Variants in ARHGAP10 observed in about 807,000 individuals in gnomAD.
The protein encoded by ARHGAP10 is rho GTPase-activating protein 10.
ARHGAP10 carries 87 observed loss-of-function variants against 108.6 expected under a neutral mutation model. The ratio of observed to expected loss-of-function variants is 0.80; its 90% CI spans 0.67 to 0.96. The LOEUF is 0.96. Among genes scored for constraint, ARHGAP10 ranks in the 40% least tolerant of loss-of-function variants. The pLI is 0.00. For synonymous variants in ARHGAP10, 347 were observed against 341.1 expected, an observed-to-expected ratio of 1.02 and a Z score of -0.19; for missense variants, 939 against 954.5, an observed-to-expected ratio of 0.98 and a Z score of 0.21.
chr4:147,907,017 G>A (rs1187802789), intron 11 of ARHGAP10, among the ~76,000 whole-genome samples: 1 of 152,004 alleles, frequency 6.6e-6, no homozygotes. Flanking sequence ...ACAGTACTTT[G>A]GATGATGAAC....
At chr4:147,771,428 A>G (rs564663042) in intron 1 of ARHGAP10, among the ~76,000 whole-genome samples, 11 of 152,346 alleles carry the variant, frequency 7.2e-5, no homozygotes, top group South Asian at 2.1e-4. Flanking sequence ...TAAATAGGGT[A>G]TCTATCACCT....
chr4:147,970,125 G>A (rs541614565), intron 18 of ARHGAP10, among the ~76,000 whole-genome samples: 1 of 152,260 alleles, frequency 6.6e-6, no homozygotes, highest in East Asian at 1.9e-4. Context: ...CTTTGTTCCT[G>A]CTCAGTTGGA....
intron 19 of ARHGAP10, among the ~76,000 whole-genome samples, chr4:148,034,304 A>G (rs1211505853): frequency 9.2e-5 from 14 of 152,096 alleles, no homozygotes. Flanking sequence ...GGTAACTAGC[A>G]TCTCCCTCTG....
chr4:148,005,039 A>C (rs2149648984), intron 18 of ARHGAP10, among the ~76,000 whole-genome samples: 1 of 152,338 alleles, frequency 6.6e-6, no homozygotes, highest in Non-Finnish European at 1.5e-5. Flanking sequence ...AAATTTAAAA[A>C]AAGAATCTCA....
intron 19 of ARHGAP10, among the ~76,000 whole-genome samples, chr4:148,032,548 C>A (rs1482472231): frequency 6.6e-6 from 1 of 151,874 alleles, no homozygotes; most frequent in African/African-American, 2.4e-5. Context: ...GTTTCCTGTC[C>A]TTCTAGAATT....
chr4:148,042,990 G>A (rs1425628353), intron 19 of ARHGAP10, among the ~76,000 whole-genome samples: 2 of 152,144 alleles, frequency 1.3e-5, no homozygotes, highest in African/African-American at 4.8e-5. Flanking sequence ...GATGACTCCT[G>A]GATTGCCTGG....
chr4:147,855,549 C>CT (rs920527468), intron 4 of ARHGAP10, among the ~76,000 whole-genome samples: 6 of 151,780 alleles, frequency 4.0e-5, no homozygotes, highest in East Asian at 1.9e-4. Flanking sequence ...ACAACTTCTG[C>CT]TTTTTTTTGG....
chr4:147,761,661 T>C (rs543330965), intron 1 of ARHGAP10, among the ~76,000 whole-genome samples: 1 of 152,366 alleles, frequency 6.6e-6, no homozygotes, highest in South Asian at 2.1e-4. Context: ...CCATAAAATA[T>C]AATTGCCTGG....
intron 10 of ARHGAP10, 72 bp from the exon 11 acceptor site, chr4:147,906,566 C>A: frequency 2.0e-6 from 3 of 1,466,220 alleles, no homozygotes; most frequent in Admixed American, 1.8e-5. Context: ...ATGGTTACAA[C>A]AGTTAAATCT....
At chr4:147,802,273 C>G (rs1004882247) in intron 1 of ARHGAP10, among the ~76,000 whole-genome samples, 48 of 152,164 alleles carry the variant, frequency 3.2e-4, no homozygotes, top group Non-Finnish European at 3.7e-4. Context: ...TCCCATCACT[C>G]ATAGTAAAAC....
At position 147,732,149 on chromosome 4, in the gene ARHGAP10, A is replaced by G; in HGVS notation, c.-153A>G. On this transcript the variant is annotated 5_prime_UTR_variant, in exon 1 of 23. Coordinates refer to ENST00000336498, the MANE Select transcript of ARHGAP10 (RefSeq NM_024605.4). ...CCTCCGCGCCGCAGGACTCGGCTCTACGGGACATGTCCGTGCCGCGCTCGC... is the reference window on the plus strand; with the variant it reads ...CCTCCGCGCCGCAGGACTCGGCTCTGCGGGACATGTCCGTGCCGCGCTCGC... 1.7e-6 allele frequency: 1 copy of G among 574,194 alleles called. No homozygotes were observed. Among genetic ancestry groups the G allele is most frequent in the Non-Finnish European group, 2.6e-6 (1 of 386,130 alleles). The allele number at this position is 574,194 out of a possible 1,614,324, so 35.6% of individuals were successfully genotyped here.
chr4:147,980,514 T>C (rs1254750212), intron 18 of ARHGAP10, among the ~76,000 whole-genome samples: 1 of 152,194 alleles, frequency 6.6e-6, no homozygotes, highest in African/African-American at 2.4e-5. Flanking sequence ...TTGTTTTGTC[T>C]TTTCCAGCTT....
chr4:147,955,934 T>C (rs1738772510), intron 16 of ARHGAP10, among the ~76,000 whole-genome samples: 1 of 152,146 alleles, frequency 6.6e-6, no homozygotes, highest in African/African-American at 2.4e-5. Context: ...TGGTAGAATT[T>C]TGTGATTGAA....
intron 10 of ARHGAP10, among the ~76,000 whole-genome samples, chr4:147,883,309 A>C (rs1430968827): frequency 6.6e-6 from 1 of 152,172 alleles, no homozygotes; most frequent in African/African-American, 2.4e-5. Flanking sequence ...CAATCCTCCC[A>C]CCTTGGCCTC....
In ARHGAP10 at chr4:147,965,005, ATTAT is replaced by A. The variant is rs775995014; in HGVS notation, c.1451-16_1451-13del. On this transcript the variant is annotated splice_polypyrimidine_tract_variant and intron_variant, in intron 16 of 22. Transcript: ENST00000336498. ...CTTTTTCTTTATTTTTTTCTTTATTATTATTTTTTTTTTGGAAGAAAGCGGCAGC... is the reference window on the plus strand; with the variant it reads ...CTTTTTCTTTATTTTTTTCTTTATTATTTTTTTTTGGAAGAAAGCGGCAGC... 1 of 1,489,696 alleles carries A rather than the reference ATTAT, an allele frequency of 6.7e-7. No homozygotes were observed. The highest frequency in any genetic ancestry group is 9.0e-7 in the Non-Finnish European group (1 of 1,111,292). 92.3% of individuals were successfully genotyped at this position (1,489,696 alleles called of 1,614,324 possible). A position where few individuals can be genotyped will look rare whatever the true frequency, so the allele number is the denominator to read the frequency against.
chr4:147,747,072 A>G lies in ARHGAP10; in HGVS notation c.154+14617A>G, dbSNP rs200174355. On this transcript the variant is annotated intron_variant, in intron 1 of 22. Coordinates refer to ENST00000336498, the MANE Select transcript of ARHGAP10 (RefSeq NM_024605.4). ...TTAAATGTTTGGGTAAACAACCCTC[A>G]TGATACCCAGAAAGGCCGCTGTTTC... 3.3e-5 allele frequency among the ~76,000 whole-genome samples: 5 copies of G among 152,178 alleles called. No individual in the cohort carries two copies. In the East Asian group the frequency reaches 9.6e-4, roughly 29 times the overall value.
chr4:147,843,927 A>G (rs908692257), intron 3 of ARHGAP10, among the ~76,000 whole-genome samples: 2 of 151,832 alleles, frequency 1.3e-5, no homozygotes, highest in East Asian at 1.9e-4. Flanking sequence ...AGACATTTCC[A>G]TTTTTCTACC....
At chr4:148,067,751 TC>T (rs1487311882) in intron 22 of ARHGAP10, among the ~76,000 whole-genome samples, 1 of 152,158 alleles carries the variant, frequency 6.6e-6, no homozygotes, top group Non-Finnish European at 1.5e-5. Flanking sequence ...CTGGGCGGCC[TC>T]GTCAGTAGTT....
At chr4:147,860,798 T>C (rs1345532004) in intron 5 of ARHGAP10, among the ~76,000 whole-genome samples, 2 of 152,220 alleles carry the variant, frequency 1.3e-5, no homozygotes, top group East Asian at 3.8e-4. Flanking sequence ...TGGCTAGAAA[T>C]TAGTTGATAA....
Sources: allele counts gnomAD v4.1 joint callset (sites outside exome capture counted in the v4.1 genomes callset), GRCh38; gene constraint gnomAD v4.1.1; transcripts MANE v1.5; gene names NCBI Gene and HGNC (gene_info 2026-07-23, HGNC 2026-07-21).